Variants in LRR1 observed in about 807,000 individuals in gnomAD.
LRR1 encodes the protein leucine rich repeat protein 1, also known as leucine-rich repeat protein 1.
In LRR1, 29 loss-of-function variants were observed where a neutral mutation model predicts 31.6. The ratio of observed to expected loss-of-function variants is 0.92; its 90% CI spans 0.68 to 1.25. The LOEUF is 1.25. LRR1 is among the 50% of genes most tolerant of loss of function. The pLI is 0.00. For missense variants in LRR1, 485 were observed against 487.2 expected (o/e 1.00, Z 0.04); for synonymous variants, 179 against 181.4 (o/e 0.99, Z 0.10).
intron 1 of LRR1, chr14:49,601,547 A>C (rs1477168185): frequency 9.0e-7 from 1 of 1,110,968 alleles, no homozygotes; most frequent in Non-Finnish European, 1.2e-6. Context: ...TCTAGCACTC[A>C]GGATAGAATA....
intron 2 of LRR1, among the ~76,000 whole-genome samples, chr14:49,607,114 A>G (rs994805307): frequency 2.7e-5 from 4 of 149,476 alleles, no homozygotes; most frequent in African/African-American, 9.9e-5. Context: ...TGCAGCCTCT[A>G]CTTCCTAGGC....
chr14:49,599,312 T>G, intron 1 of LRR1, 109 bp downstream of exon 1: 1 of 1,296,948 alleles, frequency 7.7e-7, no homozygotes, highest in East Asian at 2.6e-5. Context: ...AAAGCCCGCC[T>G]TGGGGGTTCC....
At chr14:49,611,243 G>A (rs1038370032) in intron 3 of LRR1, among the ~76,000 whole-genome samples, 5 of 152,096 alleles carry the variant, frequency 3.3e-5, no homozygotes, top group African/African-American at 7.2e-5. Flanking sequence ...TTGGGAGATC[G>A]AGGCAGGCGG....
chr14:49,599,235 G>A, intron 1 of LRR1, 32 bp downstream of exon 1: 1 of 1,552,676 alleles, frequency 6.4e-7, no homozygotes, highest in Non-Finnish European at 8.7e-7. Context: ...TGTCAGTCTC[G>A]CGTTCTTCTT....
At position 49,600,335 on chromosome 14, in the gene LRR1, A is replaced by G. The variant is rs1594582961; in HGVS notation, c.183+1132A>G. The G allele has an allele frequency of 5.9e-6, 9 of 1,532,362 alleles. No individual in the cohort carries two copies. In the East Asian group the frequency reaches 1.6e-4, roughly 27 times the overall value. The allele number at this position is 1,532,362 out of a possible 1,614,324, so 94.9% of individuals were successfully genotyped here. A position where few individuals can be genotyped will look rare whatever the true frequency, so the allele number is the denominator to read the frequency against. ...AACTTAAGGAATACGCACCAAATGT[A>G]CCCTTTTTATTAATAGGAGCTCAGA... On this transcript the variant is annotated intron_variant, in intron 1 of 3. Coordinates refer to ENST00000298288, the MANE Select transcript of LRR1 (RefSeq NM_152329.4).
At chr14:49,610,315 TGGAGTGCAGTGCGCAAGC>T (rs1882466030) in intron 3 of LRR1, among the ~76,000 whole-genome samples, 2 of 83,830 alleles carry the variant, frequency 2.4e-5, no homozygotes, top group Non-Finnish European at 5.2e-5. Flanking sequence ...CGCAAGCGGC[TGGAGTGCAGTGCGCAAGC>T]TGGAGTGCCT....
chr14:49,599,763 G>A (rs868442094), intron 1 of LRR1, among the ~76,000 whole-genome samples: 6,868 of 147,286 alleles, frequency 0.047, 498 homozygotes, highest in African/African-American at 0.15. Context: ...CGGGCGCGGC[G>A]ACCGGGGCCG....
At chr14:49,602,763 T>C (rs1465233132) in intron 2 of LRR1, among the ~76,000 whole-genome samples, 1 of 151,824 alleles carries the variant, frequency 6.6e-6, no homozygotes, top group Non-Finnish European at 1.5e-5. Context: ...CCTCCCAAAG[T>C]GTTGGGATTA....
intron 3 of LRR1, among the ~76,000 whole-genome samples, chr14:49,610,589 C>T (rs1018459235): frequency 1.3e-5 from 2 of 150,672 alleles, no homozygotes; most frequent in African/African-American, 4.9e-5. Flanking sequence ...TTGAGACAGT[C>T]TCTTTCACTC....
Position 49,599,099 on chromosome 14 carries a change from C to G in LRR1, c.79C>G (p.Arg27Gly). ...GCTTAGGAACCGGGGCAAGGGCGTC[C>G]GAGCCGTGTTGAGCCTCTGTCAGCA... ...LGLRNRGKGV[R>G]AVLSLCQQTS... is the part of the protein sequence containing the mutation. The change falls in exon 1 of 4, where the codon CGA becomes GGA. Residue 27 changes from arginine (R) to glycine (G), a missense_variant. Arg to Gly is a moderately radical substitution (Grantham distance 125). Transcript: ENST00000298288. 6.2e-7 allele frequency: 1 copy of G among 1,607,472 alleles called. No individual in the cohort carries two copies. The highest frequency in any genetic ancestry group is 8.5e-7 in the Non-Finnish European group (1 of 1,177,342).
chr14:49,610,308 AAGCGGCTGGAGTGCAGTGCG>A (rs1422797353), intron 3 of LRR1, among the ~76,000 whole-genome samples: 6 of 15,822 alleles, frequency 3.8e-4, no homozygotes, highest in African/African-American at 1.5e-3. Context: ...TGCAGTGCGC[AAGCGGCTGGAGTGCAGTGCG>A]CAAGCTGGAG....
chr14:49,601,219 T>C (rs1882038908), intron 1 of LRR1: 3 of 1,454,842 alleles, frequency 2.1e-6, no homozygotes, highest in Non-Finnish European at 2.7e-6. Flanking sequence ...TAATGTGCTT[T>C]CTTAAAAAAA....
intron 3 of LRR1, among the ~76,000 whole-genome samples, chr14:49,608,524 T>C (rs940947134): frequency 6.7e-6 from 1 of 148,638 alleles, no homozygotes; most frequent in African/African-American, 2.5e-5. Flanking sequence ...CCCACTAGAA[T>C]GTAAGATCCA....
At chr14:49,600,851 ATC>A (rs1233879640) in intron 1 of LRR1, among the ~76,000 whole-genome samples, 2 of 152,354 alleles carry the variant, frequency 1.3e-5, no homozygotes, top group East Asian at 3.9e-4. Context: ...AGAAGGTACA[ATC>A]TCTCAGGGGT....
In LRR1 at chr14:49,607,516, C is replaced by G; in HGVS notation, c.399C>G (p.Asn133Lys). ...CAGTGAAGACTTCAGAATTTGAAAACTTTAAAACTAAAATGGTTATCACAT... is the reference window on the plus strand; with the variant it reads ...CAGTGAAGACTTCAGAATTTGAAAAGTTTAAAACTAAAATGGTTATCACAT... ...LTPVKTSEFE[N>K]FKTKMVITSK... The change falls in exon 3 of 4, where the codon AAC (asparagine) becomes AAG (lysine). Residue 133 changes from asparagine (N) to lysine (K), a missense_variant. This residue lies in a region of LRR1 where 260 missense variants were observed against 249.6 expected (regional missense o/e 1.04). Coordinates refer to ENST00000298288, the MANE Select transcript of LRR1 (RefSeq NM_152329.4). The G allele has an allele frequency of 6.2e-7, 1 of 1,614,118 alleles. No individual in the cohort carries two copies. The highest frequency in any genetic ancestry group is 8.5e-7 in the Non-Finnish European group (1 of 1,180,004).
Position 49,614,362 on chromosome 14 carries a change from A to G in LRR1, c.1111A>G (p.Thr371Ala). The G allele has an allele frequency of 6.2e-7, 1 of 1,614,014 alleles. No individual in the cohort carries two copies. Among genetic ancestry groups the G allele is most frequent in the Non-Finnish European group, 8.5e-7 (1 of 1,179,968 alleles). ...RFCLNSFIQG[T>A]TTMNLHSVAH... ...CTGTCTGAACTCTTTCATTCAAGGA[A>G]CTACTACCATGAATCTGCATTCTGT... Residue 371 changes from threonine (T) to alanine (A), a missense_variant, in exon 4 of 4, where the codon ACT becomes GCT. Thr to Ala is a moderately conservative substitution (Grantham distance 58, BLOSUM62 0). This residue lies in a region of LRR1 where 210 missense variants were observed against 200.4 expected (regional missense o/e 1.05). Transcript: ENST00000298288.
At chr14:49,607,180 C>G (rs1045105892) in intron 2 of LRR1, among the ~76,000 whole-genome samples, 3 of 151,928 alleles carry the variant, frequency 2.0e-5, no homozygotes, top group Non-Finnish European at 4.4e-5. Context: ...TCCCTTTGAA[C>G]AGTTTTATTT....
In LRR1 at chr14:49,613,806, C is replaced by G. The variant is rs115431946; in HGVS notation, c.1005-450C>G. ...CTAGCCTGGGTGTCAAAGCGAGACT[C>G]TGTCTCAAAAAGTAAAAATCAAAAG... On this transcript the variant is annotated intron_variant, in intron 3 of 3. Transcript: ENST00000298288. Among the ~76,000 whole-genome samples the G allele has an allele frequency of 4.5e-3, 692 of 152,282 alleles. 8 individuals are homozygous for G. Among genetic ancestry groups the G allele is most frequent in the African/African-American group, 0.016 (657 of 41,558 alleles).
chr14:49,599,807 C>T (rs1318594950), intron 1 of LRR1, among the ~76,000 whole-genome samples: 1 of 146,410 alleles, frequency 6.8e-6, no homozygotes, highest in Non-Finnish European at 1.5e-5. Flanking sequence ...GCGGCGGCGG[C>T]AGCGCCGCGG....
Sources: allele counts gnomAD v4.1 joint callset (sites outside exome capture counted in the v4.1 genomes callset), GRCh38; gene constraint gnomAD v4.1.1; regional missense constraint gnomAD v4.1.1; transcripts MANE v1.5; gene names NCBI Gene and HGNC (gene_info 2026-07-23, HGNC 2026-07-21).